Variants in PCDH11X observed in about 807,000 individuals in gnomAD.
PCDH11X encodes the protein protocadherin 11 X-linked.
PCDH11X carries 18 observed loss-of-function variants against 53.3 expected under a neutral mutation model. That is an observed-to-expected ratio of 0.34 (90% CI 0.23 to 0.50). The LOEUF is 0.50. Among genes scored for constraint, PCDH11X ranks in the 20% least tolerant of loss-of-function variants. The pLI is 0.98. For synonymous variants in PCDH11X, 279 were observed against 393.3 expected, an observed-to-expected ratio of 0.71 and a Z score of 3.44; for missense variants, 570 against 1,032.4, an observed-to-expected ratio of 0.55 and a Z score of 6.14.
chrX:92,234,647 A>T (rs6618928), intron 7 of PCDH11X, among the ~76,000 whole-genome samples: 14,940 of 111,064 alleles, frequency 0.13, 1,663 homozygotes, highest in African/African-American at 0.37. Flanking sequence ...AATATTACAT[A>T]GTTTGATTTA....
chrX:92,619,893 G>A lies in PCDH11X; in HGVS notation c.*953G>A, dbSNP rs1473101574. Reference sequence around the variant, plus strand: ...AATATCGACGGTAAACTACTATTTTGTAGAGAAACTCAGGAAGATTTAAAT... The same window carrying A: ...AATATCGACGGTAAACTACTATTTTATAGAGAAACTCAGGAAGATTTAAAT... On this transcript the variant is annotated 3_prime_UTR_variant, in exon 11 of 11. Transcript: ENST00000682573. 1 of 107,709 alleles carries A rather than the reference G, an allele frequency of 9.3e-6. No individual in the cohort carries two copies. The highest frequency in any genetic ancestry group is 3.4e-5 in the African/African-American group (1 of 29,540). 8.9% of individuals were successfully genotyped at this position (107,709 alleles called of 1,213,427 possible). A position where few individuals can be genotyped will look rare whatever the true frequency, so the allele number is the denominator to read the frequency against.
chrX:91,925,261 C>A (rs1914043485), intron 6 of PCDH11X, among the ~76,000 whole-genome samples: 1 of 110,375 alleles, frequency 9.1e-6, no homozygotes, highest in Admixed American at 9.7e-5. Flanking sequence ...CAATACAAAG[C>A]CTATTTTATT....
At chrX:91,976,228 A>AT (rs2062044881) in intron 6 of PCDH11X, among the ~76,000 whole-genome samples, 1 of 110,989 alleles carries the variant, frequency 9.0e-6, no homozygotes, top group African/African-American at 3.3e-5. Context: ...CATATTTATG[A>AT]TTTTTGCTTG....
At chrX:92,300,701 A>G (rs2068703722) in intron 8 of PCDH11X, among the ~76,000 whole-genome samples, 1 of 110,933 alleles carries the variant, frequency 9.0e-6, no homozygotes, top group Admixed American at 9.6e-5. Context: ...CCGGTCTCTA[A>G]CTCCTAACAT....
intron 6 of PCDH11X, among the ~76,000 whole-genome samples, chrX:91,906,060 C>T (rs950849982): frequency 1.8e-5 from 2 of 110,179 alleles, no homozygotes; most frequent in East Asian, 5.7e-4. Context: ...AAGATCTTTA[C>T]GTTTGAGGAT....
chrX:91,907,762 T>C (rs1212112463), intron 6 of PCDH11X, among the ~76,000 whole-genome samples: 4 of 109,515 alleles, frequency 3.7e-5, no homozygotes, highest in Non-Finnish European at 7.6e-5. Flanking sequence ...TAGTTGTTTT[T>C]TCTGGTCCTC....
At chrX:92,252,385 A>T (rs1190381669) in intron 7 of PCDH11X, among the ~76,000 whole-genome samples, 1 of 110,671 alleles carries the variant, frequency 9.0e-6, no homozygotes, top group Non-Finnish European at 1.9e-5. Flanking sequence ...ACACACACAC[A>T]CACACACACA....
At chrX:92,154,360 A>G (rs1418528366) in intron 6 of PCDH11X, among the ~76,000 whole-genome samples, 1 of 110,264 alleles carries the variant, frequency 9.1e-6, no homozygotes, top group African/African-American at 3.4e-5. Context: ...TTAAATTCTC[A>G]GTAGTTACTC....
At chrX:92,078,062 G>A (rs1253747684) in intron 6 of PCDH11X, among the ~76,000 whole-genome samples, 2 of 108,640 alleles carry the variant, frequency 1.8e-5, no homozygotes, top group Non-Finnish European at 3.8e-5. Context: ...TTTCCCTGTG[G>A]ACTCAATAGA....
At chrX:92,614,115 T>G (rs1421095389) in intron 10 of PCDH11X, among the ~76,000 whole-genome samples, 8 of 110,526 alleles carry the variant, frequency 7.2e-5, no homozygotes, top group Non-Finnish European at 1.5e-4. Context: ...AATCCATGCT[T>G]TGAATTCTTT....
At chrX:92,451,795 TAGAC>T (rs1341910890) in intron 9 of PCDH11X, among the ~76,000 whole-genome samples, 1 of 111,933 alleles carries the variant, frequency 8.9e-6, no homozygotes, top group African/African-American at 3.2e-5. Flanking sequence ...AATACTTTAG[TAGAC>T]AGACAGAAAT....
chrX:92,328,713 A>G (rs1253984039), intron 8 of PCDH11X, among the ~76,000 whole-genome samples: 1 of 110,849 alleles, frequency 9.0e-6, no homozygotes, highest in Non-Finnish European at 1.9e-5. Context: ...GGAAGAAAAA[A>G]CACTACCAAA....
At chrX:92,542,154 G>A (rs2750967) in intron 10 of PCDH11X, among the ~76,000 whole-genome samples, 122 of 110,952 alleles carry the variant, frequency 1.1e-3, no homozygotes, top group African/African-American at 3.4e-3. Context: ...ATTAAATTTC[G>A]CTTAAAAATT....
intron 10 of PCDH11X, among the ~76,000 whole-genome samples, chrX:92,492,855 T>C (rs1428226316): frequency 2.0e-4 from 22 of 110,435 alleles, no homozygotes; most frequent in Non-Finnish European, 4.0e-4. Flanking sequence ...CTGTTCCTTA[T>C]GATAATCTCT....
chrX:92,327,705 A>G (rs1383945179), intron 8 of PCDH11X, among the ~76,000 whole-genome samples: 7 of 109,053 alleles, frequency 6.4e-5, no homozygotes, highest in Admixed American at 3.0e-4. Flanking sequence ...TCTGTTCAAC[A>G]TGGATATATC....
At chrX:92,390,369 ACG>A (rs1491095856) in intron 9 of PCDH11X, among the ~76,000 whole-genome samples, 7 of 54,050 alleles carry the variant, frequency 1.3e-4, no homozygotes, top group Non-Finnish European at 1.9e-4. Flanking sequence ...TTAACATAGT[ACG>A]TGTGTGTGTG....
At chrX:92,153,075 C>T (rs1262698892) in intron 6 of PCDH11X, among the ~76,000 whole-genome samples, 1 of 108,009 alleles carries the variant, frequency 9.3e-6, no homozygotes, top group African/African-American at 3.4e-5. Context: ...CGTGAGCCAC[C>T]GCACCTGGCC....
chrX:92,601,517 T>A lies in PCDH11X; in HGVS notation c.3368-16747T>A, dbSNP rs199798151. 5.8e-3 allele frequency among the ~76,000 whole-genome samples: 393 copies of A among 67,306 alleles called. 6 individuals carry two copies. The highest frequency in any genetic ancestry group is 0.019 in the African/African-American group (289 of 15,290). The allele number at this position is 67,306 out of a possible 115,157, so 58.4% of individuals were successfully genotyped here. A position where few individuals can be genotyped will look rare whatever the true frequency, so the allele number is the denominator to read the frequency against. ...GGTGATTCATAAAAAAAAAAAAAAA[T>A]TAAACATAAAATTACCATATGACCC... is the stretch of plus-strand genomic sequence containing the variant. On this transcript the variant is annotated intron_variant, in intron 10 of 10. Transcript: ENST00000682573.
intron 8 of PCDH11X, among the ~76,000 whole-genome samples, chrX:92,350,610 C>T (rs1283358525): frequency 9.0e-6 from 1 of 111,662 alleles, no homozygotes; most frequent in Non-Finnish European, 1.9e-5. Context: ...GGTTGTCTCC[C>T]AGGTCCTGTA....
Sources: gnomAD v4.1 joint callset for allele counts (sites outside exome capture counted in the v4.1 genomes callset) on GRCh38, gnomAD v4.1.1 for gene constraint, MANE v1.5 for transcripts, NCBI Gene and HGNC (gene_info 2026-07-23, HGNC 2026-07-21) for gene names.